SKIC3: variants seen among roughly 807,000 people sequenced by gnomAD.
SKIC3 encodes the protein superkiller complex protein 3.
chr5:95,507,014 T>TA, the SKIC3 span: 97,664 of 944,018 alleles, frequency 0.1, no homozygotes, highest in Non-Finnish European at 0.11. Context: ...AAATTGCCCT[T>TA]AAAAAAAAAA....
At chr5:95,540,691 A>C in the SKIC3 span, 9 of 1,614,056 alleles carry the variant, frequency 5.6e-6, no homozygotes, top group Admixed American at 1.5e-4. Flanking sequence ...AGTCAATACC[A>C]ATTGCTGAGT....
chr5:95,472,631 A>T, the SKIC3 span, among the ~76,000 whole-genome samples: 1 of 149,680 alleles, frequency 6.7e-6, no homozygotes, highest in African/African-American at 2.5e-5. Context: ...CACTCTCCTG[A>T]TGCCTTTTTT....
the SKIC3 span, among the ~76,000 whole-genome samples, chr5:95,487,526 A>G: frequency 5.7e-4 from 87 of 152,258 alleles, no homozygotes; most frequent in African/African-American, 2.0e-3. Context: ...AGGCCCCACC[A>G]TAACTTCACC....
At chr5:95,517,937 G>C in the SKIC3 span, among the ~76,000 whole-genome samples, 1 of 151,880 alleles carries the variant, frequency 6.6e-6, no homozygotes, top group Non-Finnish European at 1.5e-5. Context: ...CCTGATAAAA[G>C]GGTAGGTTCA....
the SKIC3 span, chr5:95,484,807 G>A: frequency 1.2e-6 from 2 of 1,614,070 alleles, no homozygotes; most frequent in Admixed American, 1.7e-5. Context: ...CACTTTTCAA[G>A]GGACTGGTTG....
At chr5:95,532,558 G>A in the SKIC3 span, among the ~76,000 whole-genome samples, 1 of 152,024 alleles carries the variant, frequency 6.6e-6, no homozygotes, top group Non-Finnish European at 1.5e-5. Context: ...ACTTATTCTT[G>A]TTGAGAATAC....
the SKIC3 span, among the ~76,000 whole-genome samples, chr5:95,525,978 C>T: frequency 6.6e-6 from 1 of 152,246 alleles, no homozygotes; most frequent in South Asian, 2.1e-4. Context: ...AATTTTACCA[C>T]ACTTCTGCTC....
chr5:95,469,914 T>C, the SKIC3 span: 5 of 1,613,434 alleles, frequency 3.1e-6, no homozygotes, highest in African/African-American at 4.0e-5. Context: ...TGTTAGCCTA[T>C]AAAAATATAA....
chr5:95,501,526 A>C, the SKIC3 span, among the ~76,000 whole-genome samples: 6 of 152,222 alleles, frequency 3.9e-5, no homozygotes, highest in Admixed American at 1.3e-4. Context: ...AAATAATGCC[A>C]ATGGGTAGAG....
the SKIC3 span, chr5:95,546,997 C>G: frequency 4.0e-6 from 6 of 1,493,474 alleles, no homozygotes; most frequent in Admixed American, 1.0e-4. Flanking sequence ...TCACATATTA[C>G]AAATCAACAA....
the SKIC3 span, among the ~76,000 whole-genome samples, chr5:95,529,766 T>TCCTC: frequency 1.3e-3 from 203 of 151,184 alleles, no homozygotes; most frequent in African/African-American, 4.0e-3. Flanking sequence ...ATGTCTGCCT[T>TCCTC]CCTCCCTCCC....
the SKIC3 span, among the ~76,000 whole-genome samples, chr5:95,481,412 G>T: frequency 6.6e-6 from 1 of 152,004 alleles, no homozygotes; most frequent in Admixed American, 6.6e-5. Context: ...TGATTGTAAG[G>T]CCTCCCCAGC....
chr5:95,543,804 C>T, the SKIC3 span, among the ~76,000 whole-genome samples: 6 of 152,124 alleles, frequency 3.9e-5, no homozygotes, highest in African/African-American at 1.4e-4. Context: ...CACCCCAGTG[C>T]GATTATACCA....
At chr5:95,495,084 T>C in the SKIC3 span, 3 of 1,502,618 alleles carry the variant, frequency 2.0e-6, no homozygotes, top group Non-Finnish European at 2.8e-6. Context: ...AAAATTAAGA[T>C]TGATAAGACC....
chr5:95,480,408 C>T, the SKIC3 span, among the ~76,000 whole-genome samples: 1 of 152,064 alleles, frequency 6.6e-6, no homozygotes, highest in African/African-American at 2.4e-5. Context: ...ATGCAAAGCA[C>T]TTTACACAGA....
At chr5:95,512,897 C>A in the SKIC3 span, 1 of 378,918 alleles carries the variant, frequency 2.6e-6, no homozygotes. Flanking sequence ...TCCTCAGCAC[C>A]ATTGCCAAAG....
At chr5:95,506,837 A>C in the SKIC3 span, 1 of 1,188,352 alleles carries the variant, frequency 8.4e-7, no homozygotes. Flanking sequence ...TACATGTACC[A>C]GTATTCTAGG....
the SKIC3 span, chr5:95,513,498 T>A: frequency 1.3e-6 from 2 of 1,511,756 alleles, no homozygotes; most frequent in Non-Finnish European, 9.2e-7. Flanking sequence ...TAGCCCAATA[T>A]CTATTCATTC....
chr5:95,524,686 T>C, the SKIC3 span: 1 of 1,561,394 alleles, frequency 6.4e-7, no homozygotes. Flanking sequence ...CAATCAAAGT[T>C]TGAGTGATTC....
Sources: allele counts gnomAD v4.1 joint callset (sites outside exome capture counted in the v4.1 genomes callset), GRCh38; gene constraint gnomAD v4.1.1; transcripts MANE v1.5; gene names NCBI Gene and HGNC (gene_info 2026-07-23, HGNC 2026-07-21).